NLK: variants seen among roughly 807,000 people sequenced by gnomAD.
NLK encodes serine/threonine-protein kinase NLK.
In NLK, 11 loss-of-function variants were observed where a neutral mutation model predicts 59.0. The observed-to-expected ratio is 0.19, with a 90% CI of 0.12 to 0.31. NLK has a LOEUF of 0.31. Ranked by LOEUF, NLK falls within the 10% of genes least tolerant of loss-of-function variation. The probability of loss-of-function intolerance (pLI) is 1.00; values close to 1 mark genes in which losing one functional copy is unlikely to be tolerated. For synonymous variants in NLK, 235 were observed against 235.9 expected, an observed-to-expected ratio of 1.00 and a Z score of 0.03; for missense variants, 410 against 661.1, an observed-to-expected ratio of 0.62 and a Z score of 4.16.
At chr17:28,097,956 T>C (rs1212109577) in intron 1 of NLK, among the ~76,000 whole-genome samples, 1 of 152,178 alleles carries the variant, frequency 6.6e-6, no homozygotes, top group Non-Finnish European at 1.5e-5. Flanking sequence ...GGTAACCTAG[T>C]TGACAAAAGT....
intron 1 of NLK, among the ~76,000 whole-genome samples, chr17:28,093,755 T>A (rs1189027165): frequency 6.6e-6 from 1 of 152,240 alleles, no homozygotes; most frequent in Non-Finnish European, 1.5e-5. Context: ...TTTCCCTGTT[T>A]GAAAAATGAA....
At chr17:28,173,007 C>A (rs950371888) in intron 7 of NLK, among the ~76,000 whole-genome samples, 8 of 152,154 alleles carry the variant, frequency 5.3e-5, no homozygotes, top group Non-Finnish European at 1.0e-4. Flanking sequence ...CCAGCCAGGA[C>A]TGTGAAGCTG....
chr17:28,056,582 G>T lies in NLK; in HGVS notation c.458+13251G>T, dbSNP rs532714463. ...ATGGAATATTTAGATTAATCTGTTG[G>T]TTATTTTGTGTGGGCCAGTGACTCT... On this transcript the variant is annotated intron_variant, in intron 1 of 10. Transcript: ENST00000407008. 4.9e-4 allele frequency among the ~76,000 whole-genome samples: 74 copies of T among 152,270 alleles called. 1 individual carries two copies. The highest frequency in any genetic ancestry group is 1.7e-3 in the African/African-American group (70 of 41,550).
intron 6 of NLK, among the ~76,000 whole-genome samples, chr17:28,170,725 G>A (rs573841079): frequency 3.3e-5 from 5 of 152,292 alleles, no homozygotes; most frequent in African/African-American, 1.2e-4. Context: ...TAATAAGGAA[G>A]TATTCAAATC....
chr17:28,127,507 A>C (rs900595768), intron 2 of NLK, among the ~76,000 whole-genome samples: 1 of 152,340 alleles, frequency 6.6e-6, no homozygotes, highest in African/African-American at 2.4e-5. Flanking sequence ...AGGATGATGT[A>C]GAGGTAGGTT....
intron 1 of NLK, among the ~76,000 whole-genome samples, chr17:28,098,962 G>A (rs1053723543): frequency 6.6e-6 from 1 of 152,066 alleles, no homozygotes; most frequent in Non-Finnish European, 1.5e-5. Context: ...GATTACAGGT[G>A]TGAGCCACCG....
chr17:28,111,898 T>TGTGTGTG lies in NLK; in HGVS notation c.459-10704_459-10698dup, dbSNP rs1905524354. Among the ~76,000 whole-genome samples, 26 of 68,880 alleles carry TGTGTGTG rather than the reference T, an allele frequency of 3.8e-4. No individual in the cohort carries two copies. The South Asian group carries it at 3.8e-3, about 10-fold the overall frequency. 45.2% of individuals were successfully genotyped at this position (68,880 alleles called of 152,430 possible). A position where few individuals can be genotyped will look rare whatever the true frequency, so the allele number is the denominator to read the frequency against. On this transcript the variant is annotated intron_variant, in intron 1 of 10. Coordinates refer to ENST00000407008, the MANE Select transcript of NLK (RefSeq NM_016231.5). ...TGTGTGTGTGTGTGTGTGTGTGTGG[T>TGTGTGTG]GTGTGTGTGTGTGTGTGTGTGTGTG...
intron 7 of NLK, among the ~76,000 whole-genome samples, chr17:28,184,713 C>T (rs1909047560): frequency 6.6e-6 from 1 of 152,056 alleles, no homozygotes; most frequent in African/African-American, 2.4e-5. Context: ...TTTGGGAGGC[C>T]GAGGCAGGCA....
chr17:28,097,689 A>G (rs1904751564), intron 1 of NLK, among the ~76,000 whole-genome samples: 1 of 152,144 alleles, frequency 6.6e-6, no homozygotes, highest in Admixed American at 6.5e-5. Flanking sequence ...AGTATAAGGC[A>G]TCTTACCTAC....
At chr17:28,061,783 TATATA>T (rs1481175109) in intron 1 of NLK, among the ~76,000 whole-genome samples, 61 of 146,386 alleles carry the variant, frequency 4.2e-4, no homozygotes, top group African/African-American at 1.4e-3. Context: ...TACATATACA[TATATA>T]ATATATACAT....
chr17:28,085,991 A>T (rs1910504922), intron 1 of NLK, among the ~76,000 whole-genome samples: 1 of 152,190 alleles, frequency 6.6e-6, no homozygotes, highest in Non-Finnish European at 1.5e-5. Context: ...ACATCATATG[A>T]CAAAAATCAC....
At chr17:28,145,021 A>T (rs943928315) in intron 3 of NLK, among the ~76,000 whole-genome samples, 1 of 152,246 alleles carries the variant, frequency 6.6e-6, no homozygotes, top group African/African-American at 2.4e-5. Context: ...TGCATATTCT[A>T]TGCCTGTCAT....
chr17:28,176,099 ATG>A (rs1908666614), intron 7 of NLK, among the ~76,000 whole-genome samples: 1 of 152,202 alleles, frequency 6.6e-6, no homozygotes, highest in Admixed American at 6.5e-5. Flanking sequence ...TGAAATAAAA[ATG>A]TGTGCACACA....
intron 8 of NLK, among the ~76,000 whole-genome samples, chr17:28,189,759 A>C (rs910372860): frequency 3.3e-5 from 5 of 152,228 alleles, no homozygotes; most frequent in African/African-American, 9.6e-5. Flanking sequence ...AAAGAAAAGG[A>C]AAAAGTTTAC....
At chr17:28,200,147 A>G (rs1263189090), downstream of NLK, among the ~76,000 whole-genome samples, 2 of 152,190 alleles carry the variant, frequency 1.3e-5, no homozygotes, top group African/African-American at 4.8e-5. Context: ...TTATAGAACA[A>G]AAGTTTTTAT....
intron 1 of NLK, among the ~76,000 whole-genome samples, chr17:28,094,435 C>A (rs1333821146): frequency 1.9e-4 from 29 of 152,164 alleles, no homozygotes. Context: ...TGGCCACTTG[C>A]CTTTTGCTGA....
chr17:28,076,538 C>T (rs1910163676), intron 1 of NLK, among the ~76,000 whole-genome samples: 1 of 152,206 alleles, frequency 6.6e-6, no homozygotes, highest in Non-Finnish European at 1.5e-5. Context: ...GGGACTCACA[C>T]ATTCAGTCCA....
chr17:28,111,890 GTGTGTGGTGTGTGTGT>G (rs1217718570), intron 1 of NLK, among the ~76,000 whole-genome samples: 13 of 117,674 alleles, frequency 1.1e-4, no homozygotes, highest in African/African-American at 4.2e-4. Flanking sequence ...GTGTGTGTGT[GTGTGTGGTGTGTGTGT>G]GTGTGTGTGT....
At chr17:28,155,313 C>A (rs1212226193) in intron 3 of NLK, among the ~76,000 whole-genome samples, 1 of 152,088 alleles carries the variant, frequency 6.6e-6, no homozygotes, top group Non-Finnish European at 1.5e-5. Context: ...GAAATAGGAA[C>A]GCTTTTACAC....
Sources: gnomAD v4.1 joint callset for allele counts (sites outside exome capture counted in the v4.1 genomes callset) on GRCh38, gnomAD v4.1.1 for gene constraint, MANE v1.5 for transcripts, NCBI Gene and HGNC (gene_info 2026-07-23, HGNC 2026-07-21) for gene names.